Variants in CALN1 observed in about 807,000 individuals in gnomAD.
CALN1 encodes calneuron 1, also known as calcium-binding protein 8.
Under a neutral mutation model 30.6 loss-of-function variants are expected in CALN1, and 17 were observed. The observed-to-expected ratio is 0.56, with a 90% CI of 0.38 to 0.83. The LOEUF (loss-of-function observed/expected upper bound fraction) is 0.83. CALN1 is among the 40% of genes least tolerant of loss of function. The pLI is 0.00. For missense variants in CALN1, 291 were observed against 354.9 expected (o/e 0.82, Z 1.45); for synonymous variants, 156 against 131.4 (o/e 1.19, Z -1.28).
At chr7:71,879,103 GA>G (rs1792420684) in intron 5 of CALN1, among the ~76,000 whole-genome samples, 1 of 152,182 alleles carries the variant, frequency 6.6e-6, no homozygotes. Context: ...TGATGGCAGA[GA>G]AAGAATAAAA....
chr7:72,271,575 A>AAAATATATATATATATAT, intron 3 of CALN1, among the ~76,000 whole-genome samples: 25 of 52,124 alleles, frequency 4.8e-4, no homozygotes, highest in South Asian at 4.6e-3. Flanking sequence ...AAAAAAAAAA[A>AAAATATATATATATATAT]ATATATATAT....
rs183913265 is a variant in CALN1 at position 71,839,766 on chromosome 7, G to A, written c.502-29274C>T. 2.2e-3 allele frequency among the ~76,000 whole-genome samples: 341 copies of A among 152,246 alleles called. 1 individual carries two copies. The highest frequency in any genetic ancestry group is 7.8e-3 in the African/African-American group (323 of 41,542). ...CAGGCTGGCTGGACTTCTTATGGCG[G>A]CATCTCAAGGCACTAATTACAAATG... On this transcript the variant is annotated intron_variant, in intron 5 of 6. Coordinates refer to ENST00000395275, the MANE Select transcript of CALN1 (RefSeq NM_031468.4).
At chr7:72,247,968 G>A (rs1457388706) in intron 3 of CALN1, among the ~76,000 whole-genome samples, 1 of 152,174 alleles carries the variant, frequency 6.6e-6, no homozygotes, top group Admixed American at 6.5e-5. Context: ...CTGCACTCCA[G>A]CCTGAGCAAC....
intron 3 of CALN1, among the ~76,000 whole-genome samples, chr7:72,171,708 C>A (rs1585087632): frequency 6.6e-6 from 1 of 152,064 alleles, no homozygotes; most frequent in East Asian, 1.9e-4. Context: ...AGGTCCTGTT[C>A]ATTTATTTTT....
upstream of CALN1, among the ~76,000 whole-genome samples, chr7:72,413,424 G>A (rs1032760364): frequency 4.6e-5 from 7 of 151,174 alleles, no homozygotes; most frequent in Admixed American, 1.3e-4. Context: ...TTACACACAC[G>A]TACACTCACA....
chr7:71,912,697 C>G (rs1318524889), intron 5 of CALN1, among the ~76,000 whole-genome samples: 1 of 152,162 alleles, frequency 6.6e-6, no homozygotes, highest in Non-Finnish European at 1.5e-5. Context: ...TATGACTGCA[C>G]AACCTGAGAA....
At chr7:71,806,862 A>G (rs1239182632) in intron 6 of CALN1, among the ~76,000 whole-genome samples, 1 of 152,092 alleles carries the variant, frequency 6.6e-6, no homozygotes, top group Non-Finnish European at 1.5e-5. Flanking sequence ...CAGGGAATGG[A>G]TTTGAGGGTT....
chr7:72,007,399 T>C (rs574063325), intron 5 of CALN1, among the ~76,000 whole-genome samples: 9 of 152,174 alleles, frequency 5.9e-5, no homozygotes, highest in African/African-American at 2.2e-4. Context: ...TACAAAAAAT[T>C]AGCTGGGTAT....
intron 3 of CALN1, among the ~76,000 whole-genome samples, chr7:72,142,545 G>T (rs977385865): frequency 1.1e-4 from 16 of 152,198 alleles, no homozygotes; most frequent in Admixed American, 2.0e-4. Context: ...CTCCACCTCT[G>T]GGGGCAGGGC....
chr7:72,128,626 T>A (rs939436594), intron 3 of CALN1, among the ~76,000 whole-genome samples: 1 of 152,186 alleles, frequency 6.6e-6, no homozygotes, highest in Non-Finnish European at 1.5e-5. Flanking sequence ...ATCCCAGCAC[T>A]TTGAAAGGCT....
intron 2 of CALN1, among the ~76,000 whole-genome samples, chr7:72,281,639 T>C (rs1797738989): frequency 6.6e-6 from 1 of 152,236 alleles, no homozygotes; most frequent in African/African-American, 2.4e-5. Flanking sequence ...TGTTCTTATC[T>C]AATTCACTTC....
intron 3 of CALN1, among the ~76,000 whole-genome samples, chr7:72,207,961 C>T (rs1792014162): frequency 6.6e-6 from 1 of 152,076 alleles, no homozygotes; most frequent in South Asian, 2.1e-4. Flanking sequence ...CTCTGTGAAA[C>T]TCCAGTATAA....
the CALN1 span, among the ~76,000 whole-genome samples, chr7:72,466,427 A>C: frequency 6.6e-6 from 1 of 152,102 alleles, no homozygotes; most frequent in Admixed American, 6.6e-5. Context: ...ATCATAAGGT[A>C]TTTACAACAT....
intron 3 of CALN1, among the ~76,000 whole-genome samples, chr7:72,159,966 G>T (rs1787982149): frequency 6.6e-6 from 1 of 152,174 alleles, no homozygotes; most frequent in African/African-American, 2.4e-5. Flanking sequence ...AACACAAAAA[G>T]AAGAGCAGAT....
At chr7:72,067,268 GTCTC>G (rs1028322406) in intron 4 of CALN1, among the ~76,000 whole-genome samples, 1 of 152,150 alleles carries the variant, frequency 6.6e-6, no homozygotes, top group South Asian at 2.1e-4. Context: ...TAGACACAAG[GTCTC>G]TCTCTGTCAC....
At chr7:71,846,866 GTATA>G (rs1268154293) in intron 5 of CALN1, among the ~76,000 whole-genome samples, 7 of 142,728 alleles carry the variant, frequency 4.9e-5, no homozygotes, top group South Asian at 2.2e-4. Flanking sequence ...ATATATGTAT[GTATA>G]TATAATATAT....
chr7:71,826,174 G>A (rs957092748), intron 5 of CALN1, among the ~76,000 whole-genome samples: 2 of 151,728 alleles, frequency 1.3e-5, no homozygotes, highest in Non-Finnish European at 2.9e-5. Context: ...AGAGAGAAAA[G>A]TGACTCCCTG....
chr7:71,946,094 T>TA (rs1281200255), intron 5 of CALN1, among the ~76,000 whole-genome samples: 1 of 152,174 alleles, frequency 6.6e-6, no homozygotes, highest in East Asian at 1.9e-4. Context: ...GTGGATTAGC[T>TA]AGGCAATTCA....
intron 2 of CALN1, among the ~76,000 whole-genome samples, chr7:72,335,785 G>A (rs971349230): frequency 9.2e-5 from 14 of 152,188 alleles, no homozygotes; most frequent in African/African-American, 3.4e-4. Context: ...GGCGCACGTG[G>A]CCCAAGGCTA....
Sources: allele counts gnomAD v4.1 joint callset (sites outside exome capture counted in the v4.1 genomes callset), GRCh38; gene constraint gnomAD v4.1.1; transcripts MANE v1.5; gene names NCBI Gene and HGNC (gene_info 2026-07-23, HGNC 2026-07-21).